Variants in PIGQ observed in about 807,000 individuals in gnomAD.
PIGQ encodes phosphatidylinositol glycan anchor biosynthesis class Q.
In PIGQ, 54 loss-of-function variants were observed where a neutral mutation model predicts 60.3. The observed-to-expected ratio is 0.90, with a 90% confidence interval of 0.72 to 1.12. The LOEUF is 1.12. Among genes scored for constraint, PIGQ ranks in the 50% most tolerant of loss-of-function variants. The pLI is 0.00. For missense variants in PIGQ, 799 were observed against 793.5 expected (o/e 1.01, Z -0.08); for synonymous variants, 416 against 363.7 (o/e 1.14, Z -1.64).
At chr16:573,719 C>T (rs1437673093) in intron 1 of PIGQ, among the ~76,000 whole-genome samples, 1 of 152,164 alleles carries the variant, frequency 6.6e-6, no homozygotes, top group East Asian at 1.9e-4. Flanking sequence ...GAGTTCGGTT[C>T]GGCCCCACAG....
At chr16:578,211 C>A (rs937273730) in intron 4 of PIGQ, 168 bp from the exon 5 acceptor site, 3 of 643,000 alleles carry the variant, frequency 4.7e-6, no homozygotes, top group Non-Finnish European at 7.8e-6. Context: ...GACCCCAATC[C>A]CGGAGCCATC....
At chr16:570,518 T>G (rs1161577907) in intron 1 of PIGQ, 1 of 152,182 alleles carries the variant, frequency 6.6e-6, no homozygotes, top group Non-Finnish European at 1.5e-5. Flanking sequence ...CAGGCTGGAG[T>G]GCAATGGCGC....
chr16:583,115 GC>G lies in PIGQ; in HGVS notation c.*81del. 1 of 1,613,176 alleles carries G rather than the reference GC, an allele frequency of 6.2e-7. No homozygotes were observed. Among genetic ancestry groups the G allele is most frequent in the East Asian group, 2.2e-5 (1 of 44,884 alleles). The stretch of plus-strand genomic sequence containing the variant: ...TGCCAGGGTGGCACCAGCTCAGCTG[GC>G]GCATGTCCTGTGCTTTGTGGACGCT... On this transcript the variant is annotated 3_prime_UTR_variant, in exon 11 of 11. Transcript: ENST00000321878.
rs1423642196 is a variant in PIGQ at position 574,200 on chromosome 16, C to A, written c.126C>A (p.Pro42=). The change falls in exon 2 of 11, where the codon CCC becomes CCA. Residue 42 remains proline, a synonymous_variant. Coordinates refer to ENST00000321878, the MANE Select transcript of PIGQ (RefSeq NM_004204.5). ...VLAVLHFPFI[P]IQVKQLLAQV... is the part of the protein sequence containing the mutation. ...CGGTCCTGCACTTTCCCTTCATCCC[C>A]ATCCAGGTCAAGCAGCTCCTGGCCC... 1 of 1,612,498 alleles carries A rather than the reference C, an allele frequency of 6.2e-7. No individual in the cohort carries two copies. The highest frequency in any genetic ancestry group is 8.5e-7 in the Non-Finnish European group (1 of 1,179,808).
At chr16:582,696 C>T (rs1262890787) in intron 10 of PIGQ, 187 bp from the exon 11 acceptor site, 5 of 689,768 alleles carry the variant, frequency 7.2e-6, no homozygotes, top group Non-Finnish European at 1.2e-5. Flanking sequence ...CTTCTGCCTC[C>T]CCCCAGCGCT....
At position 574,328 on chromosome 16, in the gene PIGQ, G is replaced by GT; in HGVS notation, c.255dup (p.Ala86CysfsTer6). ...CTGGGCCGCTTCCTGGAGAGCCTGG[G>GT]TGCTGTCTTCCCCCATGAGCCCTGG... is the stretch of plus-strand genomic sequence containing the variant. On this transcript the variant is annotated frameshift_variant, in exon 2 of 11. Coordinates refer to ENST00000321878, the MANE Select transcript of PIGQ (RefSeq NM_004204.5). LOFTEE classifies it high-confidence loss of function. 3.7e-6 allele frequency: 6 copies of GT among 1,608,132 alleles called. No individual in the cohort carries two copies. Among genetic ancestry groups the GT allele is most frequent in the Non-Finnish European group, 4.2e-6 (5 of 1,179,374 alleles).
intron 7 of PIGQ, 181 bp from the exon 8 acceptor site, chr16:580,002 C>T: frequency 5.9e-6 from 3 of 508,764 alleles, no homozygotes; most frequent in African/African-American, 2.0e-5. Context: ...GTCCCCTAGT[C>T]CGTGGGGTGT....
At chr16:582,137 AC>A in intron 9 of PIGQ, 110 bp from the exon 10 acceptor site, 1 of 808,532 alleles carries the variant, frequency 1.2e-6, no homozygotes, top group Non-Finnish European at 2.1e-6. Flanking sequence ...GTGGGTGGCC[AC>A]GGCCAGCAGC....
At chr16:573,773 G>A (rs2035670397) in intron 1 of PIGQ, among the ~76,000 whole-genome samples, 1 of 152,148 alleles carries the variant, frequency 6.6e-6, no homozygotes, top group South Asian at 2.1e-4. Flanking sequence ...GGGCCGGCCT[G>A]GAAATGGGAG....
intron 7 of PIGQ, chr16:579,446 CA>C (rs1247184376): frequency 3.0e-6 from 1 of 336,984 alleles, no homozygotes; most frequent in African/African-American, 2.2e-5. Flanking sequence ...GCCCCGGGCC[CA>C]GAGACTAGAG....
chr16:575,213 C>T (rs762401852), intron 2 of PIGQ, among the ~76,000 whole-genome samples: 2 of 152,212 alleles, frequency 1.3e-5, no homozygotes, highest in Non-Finnish European at 2.9e-5. Context: ...TTGCTGGCCC[C>T]GTGTGCCTGG....
intron 1 of PIGQ, among the ~76,000 whole-genome samples, chr16:571,105 G>GCTAGCC (rs2035614420): frequency 3.2e-4 from 1 of 3,138 alleles, no homozygotes; most frequent in Non-Finnish European, 8.3e-4. Flanking sequence ...GTGTGTGTGT[G>GCTAGCC]TGTCTGGCTA....
chr16:576,461 C>A (rs1295549420), intron 4 of PIGQ: 3 of 635,876 alleles, frequency 4.7e-6, no homozygotes, highest in Non-Finnish European at 8.1e-6. Flanking sequence ...GTACACCCCC[C>A]TTTCCTTCTG....
chr16:577,532 T>A (rs545689883), intron 4 of PIGQ, among the ~76,000 whole-genome samples: 1 of 139,212 alleles, frequency 7.2e-6, no homozygotes, highest in East Asian at 2.1e-4. Context: ...AGCCGAGATC[T>A]CACCACTGCA....
Position 583,338 on chromosome 16 carries a change from C to T in PIGQ, c.*303C>T, listed in dbSNP as rs376255034. On this transcript the variant is annotated 3_prime_UTR_variant, in exon 11 of 11. Transcript: ENST00000321878. Reference sequence around the variant, plus strand: ...CAACCCCAGGTGTCCAGAGCACTGCCCCATGCCCACCCTGTGTACCCAGGT... The same window carrying T: ...CAACCCCAGGTGTCCAGAGCACTGCTCCATGCCCACCCTGTGTACCCAGGT... The T allele has an allele frequency of 2.5e-5, 41 of 1,612,466 alleles. No homozygotes were observed. In the African/African-American group the frequency reaches 5.2e-4, roughly 20 times the overall value.
rs141151147 is a variant in PIGQ, at chr16:583,273, C to G, written c.*238C>G. On this transcript the variant is annotated 3_prime_UTR_variant, in exon 11 of 11. Coordinates refer to ENST00000321878, the MANE Select transcript of PIGQ (RefSeq NM_004204.5). ...CACTGGCACTGCCTGCCTTGGGACC[C>G]GCTTCCCACCTGCTGCGGTCACCAT... 3.1e-6 allele frequency: 5 copies of G among 1,612,926 alleles called. No homozygotes were observed. Among genetic ancestry groups the G allele is most frequent in the Non-Finnish European group, 4.2e-6 (5 of 1,179,966 alleles).
chr16:574,209 C>A lies in PIGQ; in HGVS notation c.135C>A (p.Val45=). The A allele has an allele frequency of 1.9e-6, 3 of 1,612,302 alleles. No homozygotes were observed. The highest frequency in any genetic ancestry group is 2.5e-6 in the Non-Finnish European group (3 of 1,179,818). Residue 45 remains valine (V), a synonymous_variant, in exon 2 of 11, where the codon GTC becomes GTA. Transcript: ENST00000321878. The stretch of plus-strand genomic sequence containing the variant: ...ACTTTCCCTTCATCCCCATCCAGGT[C>A]AAGCAGCTCCTGGCCCAGGTGCGGC... The part of the protein sequence containing the change: ...VLHFPFIPIQ[V]KQLLAQVRQA...
rs1359660140 is a variant in PIGQ at position 583,570 on chromosome 16, G to T, written c.*535G>T. ...CTGACCCCCGTCCCCAGCGGGCCCG[G>T]GCCCTCACTCCCTGAACCACACGGG... On this transcript the variant is annotated 3_prime_UTR_variant, in exon 11 of 11. Coordinates refer to ENST00000321878, the MANE Select transcript of PIGQ (RefSeq NM_004204.5). 15 of 1,612,562 alleles carry T rather than the reference G, an allele frequency of 9.3e-6. No homozygotes were observed. The highest frequency in any genetic ancestry group is 1.2e-5 in the Non-Finnish European group (14 of 1,179,760).
rs542353256 is a variant in PIGQ at position 584,009 on chromosome 16, C to T, written c.*974C>T. 3.3e-5 allele frequency: 12 copies of T among 364,662 alleles called. No individual in the cohort carries two copies. Among genetic ancestry groups the T allele is most frequent in the South Asian group, 4.4e-5 (2 of 45,480 alleles). 22.6% of individuals were successfully genotyped at this position (364,662 alleles called of 1,614,324 possible). A position where few individuals can be genotyped will look rare whatever the true frequency, so the allele number is the denominator to read the frequency against. ...ACGCGCTGTGGGTGGGAGGAGGCAG[C>T]GCCCATCTCAGCAGCACCAGGACTG... On this transcript the variant is annotated 3_prime_UTR_variant, in exon 11 of 11. Coordinates refer to ENST00000321878, the MANE Select transcript of PIGQ (RefSeq NM_004204.5).
Sources: allele counts gnomAD v4.1 joint callset (sites outside exome capture counted in the v4.1 genomes callset), GRCh38; gene constraint gnomAD v4.1.1; transcripts MANE v1.5; gene names NCBI Gene and HGNC (gene_info 2026-07-23, HGNC 2026-07-21).